Variants in PSPC1 observed in about 807,000 individuals in gnomAD.
PSPC1 encodes the protein paraspeckle protein 1.
Under a neutral mutation model 51.6 loss-of-function variants are expected in PSPC1, and 14 were observed. That is an observed-to-expected ratio of 0.27 (90% confidence interval 0.18 to 0.42). PSPC1 has a LOEUF of 0.42. Ranked by LOEUF, PSPC1 falls within the 10% of genes least tolerant of loss-of-function variation. The pLI is 1.00. For missense variants in PSPC1, 406 were observed against 701.1 expected (o/e 0.58, Z 4.75); for synonymous variants, 193 against 231.9 (o/e 0.83, Z 1.53).
intron 6 of PSPC1, chr13:19,679,055 G>GT (rs1055740276): frequency 2.6e-5 from 4 of 152,226 alleles, no homozygotes; most frequent in Non-Finnish European, 5.9e-5. Context: ...TGCCTGTCCT[G>GT]TAAGTATTTT....
At chr13:19,748,904 A>G (rs557261531) in intron 4 of PSPC1, among the ~76,000 whole-genome samples, 9 of 152,164 alleles carry the variant, frequency 5.9e-5, no homozygotes, top group Admixed American at 1.3e-4. Flanking sequence ...AAACCACTGG[A>G]CTGGACAAAC....
At chr13:19,745,674 C>T (rs1240108327) in intron 4 of PSPC1, among the ~76,000 whole-genome samples, 1 of 145,856 alleles carries the variant, frequency 6.9e-6, no homozygotes. Flanking sequence ...GGCTGGAGTG[C>T]AGTGGCGTGA....
At chr13:19,707,795 C>G (rs1324388316) in intron 7 of PSPC1, among the ~76,000 whole-genome samples, 8 of 152,108 alleles carry the variant, frequency 5.3e-5, no homozygotes, top group Admixed American at 5.2e-4. Context: ...AAGTTTAGCT[C>G]TGATGTTAAT....
chr13:19,697,767 T>TAAA (rs1336059211), downstream of PSPC1, among the ~76,000 whole-genome samples: 1 of 152,024 alleles, frequency 6.6e-6, no homozygotes, highest in Non-Finnish European at 1.5e-5. Context: ...TCTCAATACA[T>TAAA]AAAAACACCA....
chr13:19,696,807 T>C (rs1879318985), intron 6 of PSPC1, among the ~76,000 whole-genome samples: 1 of 152,242 alleles, frequency 6.6e-6, no homozygotes, highest in African/African-American at 2.4e-5. Flanking sequence ...CATCTCATAC[T>C]GGTATGCTGA....
chr13:19,774,807 AAAAAAAAAAAAC>A (rs1421335958), intron 1 of PSPC1, among the ~76,000 whole-genome samples: 5 of 145,512 alleles, frequency 3.4e-5, no homozygotes, highest in African/African-American at 9.8e-5. Flanking sequence ...TCTGTGTCCA[AAAAAAAAAAAAC>A]AAAAAAAAAA....
chr13:19,696,740 C>G (rs1325983399), intron 6 of PSPC1, among the ~76,000 whole-genome samples: 1 of 152,162 alleles, frequency 6.6e-6, no homozygotes, highest in Non-Finnish European at 1.5e-5. Flanking sequence ...CTAGCACCTT[C>G]ATCCAGCAGC....
intron 7 of PSPC1, among the ~76,000 whole-genome samples, chr13:19,707,421 C>T (rs1880834032): frequency 6.6e-6 from 1 of 152,190 alleles, no homozygotes; most frequent in African/African-American, 2.4e-5. Context: ...TTTGGTTATA[C>T]ACACTAGTGA....
At chr13:19,709,413 AAG>A (rs1481733961) in intron 7 of PSPC1, 127 bp downstream of exon 7, 1 of 620,810 alleles carries the variant, frequency 1.6e-6, no homozygotes, top group African/African-American at 1.9e-5. Flanking sequence ...TAATGGATGT[AAG>A]AGATTTCACC....
chr13:19,677,897 A>C, intron 6 of PSPC1: 1 of 453,526 alleles, frequency 2.2e-6, no homozygotes, highest in Non-Finnish European at 4.4e-6. Context: ...AATCAGAGTT[A>C]ACTCATTTAG....
intron 4 of PSPC1, among the ~76,000 whole-genome samples, chr13:19,748,466 C>CA (rs1055136596): frequency 1.3e-5 from 2 of 152,006 alleles, no homozygotes; most frequent in East Asian, 1.9e-4. Flanking sequence ...CGATAAACAA[C>CA]AAAAAAACTC....
intron 6 of PSPC1, among the ~76,000 whole-genome samples, chr13:19,694,152 C>CATATAT (rs68075347): frequency 1.7e-5 from 2 of 119,886 alleles, no homozygotes; most frequent in African/African-American, 3.2e-5. Flanking sequence ...AAAAAAAAAC[C>CATATAT]ATATATATAT....
intron 3 of PSPC1, among the ~76,000 whole-genome samples, chr13:19,753,057 C>T (rs1458733892): frequency 2.6e-5 from 4 of 151,452 alleles, no homozygotes; most frequent in Non-Finnish European, 1.5e-5. Flanking sequence ...CTGAGACAGG[C>T]GGATCACAAC....
chr13:19,769,437 C>A (rs554260602), intron 2 of PSPC1, among the ~76,000 whole-genome samples: 1 of 152,324 alleles, frequency 6.6e-6, no homozygotes, highest in South Asian at 2.1e-4. Flanking sequence ...AGCCTGTAGT[C>A]CCAGCTACTC....
At chr13:19,673,962 G>A (rs975736839), downstream of PSPC1, among the ~76,000 whole-genome samples, 30 of 152,190 alleles carry the variant, frequency 2.0e-4, no homozygotes, top group Admixed American at 1.0e-3. Context: ...AGTCATGTCC[G>A]GATCTCCTAG....
In PSPC1 at chr13:19,778,373, C is replaced by G. The variant is rs1248951647; in HGVS notation, c.372+4013G>C. ...TTAAGACCTCTCCCTCTCCCCCTCCCCCTCCCCCTCCCCCTCCCCCTCCCT... is the reference window on the plus strand; with the variant it reads ...TTAAGACCTCTCCCTCTCCCCCTCCGCCTCCCCCTCCCCCTCCCCCTCCCT... On this transcript the variant is annotated intron_variant, in intron 1 of 8. Transcript: ENST00000338910. 4.0e-4 allele frequency among the ~76,000 whole-genome samples: 25 copies of G among 63,096 alleles called. No homozygotes were observed. In the South Asian group the frequency reaches 0.014, roughly 36 times the overall value. The allele number at this position is 63,096 out of a possible 152,430, so 41.4% of individuals were successfully genotyped here.
intron 6 of PSPC1, among the ~76,000 whole-genome samples, chr13:19,721,034 T>C (rs1238970027): frequency 6.6e-6 from 1 of 151,388 alleles, no homozygotes; most frequent in Non-Finnish European, 1.5e-5. Context: ...ATACTGAACA[T>C]AGACATTATA....
chr13:19,730,955 AAC>A (rs1158829195), intron 5 of PSPC1, among the ~76,000 whole-genome samples: 11 of 42,192 alleles, frequency 2.6e-4, no homozygotes, highest in Non-Finnish European at 5.9e-4. Context: ...AGAAAAAAAA[AAC>A]AAAAAAACAA....
chr13:19,695,180 ATAATTCAAAC>A (rs1274878724), intron 6 of PSPC1, among the ~76,000 whole-genome samples: 1 of 152,220 alleles, frequency 6.6e-6, no homozygotes, highest in Non-Finnish European at 1.5e-5. Flanking sequence ...TAATTCCAAA[ATAATTCAAAC>A]TATGAGATCT....
Sources: allele counts gnomAD v4.1 joint callset (sites outside exome capture counted in the v4.1 genomes callset), GRCh38; gene constraint gnomAD v4.1.1; transcripts MANE v1.5; gene names NCBI Gene and HGNC (gene_info 2026-07-23, HGNC 2026-07-21).